LY96: variants seen among roughly 807,000 people sequenced by gnomAD.
LY96 encodes myeloid differentiation protein-2.
In LY96, 18 loss-of-function variants were observed where a neutral mutation model predicts 18.9. That is an observed-to-expected ratio of 0.95 (90% CI 0.66 to 1.41). The LOEUF (loss-of-function observed/expected upper bound fraction) is 1.41. LY96 is among the 40% of genes most tolerant of loss of function. The probability of loss-of-function intolerance (pLI) is 0.00; values close to 1 mark genes in which losing one functional copy is unlikely to be tolerated. For synonymous variants in LY96, 66 were observed against 62.6 expected (o/e 1.06, Z -0.26); for missense variants, 175 against 182.4 (o/e 0.96, Z 0.23).
At chr8:74,073,303 G>A in the LY96 span, among the ~76,000 whole-genome samples, 2 of 152,330 alleles carry the variant, frequency 1.3e-5, no homozygotes, top group African/African-American at 4.8e-5. Context: ...CATCAGGTGA[G>A]TCAGTAGATC....
chr8:74,081,087 C>CTCTTTCTTTCTCTT, the LY96 span, among the ~76,000 whole-genome samples: 1 of 92,954 alleles, frequency 1.1e-5, no homozygotes, highest in African/African-American at 5.1e-5. Flanking sequence ...TTCTCTTTCT[C>CTCTTTCTTTCTCTT]TCTTTCTTTC....
At chr8:74,089,553 A>G in the LY96 span, among the ~76,000 whole-genome samples, 1 of 152,360 alleles carries the variant, frequency 6.6e-6, no homozygotes, top group East Asian at 1.9e-4. Flanking sequence ...TGAGAAAGAT[A>G]CACAGGGAAA....
At chr8:74,021,204 G>T (rs1816750849) in intron 3 of LY96, among the ~76,000 whole-genome samples, 1 of 152,096 alleles carries the variant, frequency 6.6e-6, no homozygotes. Flanking sequence ...AATCTACAAA[G>T]AACTTAAACA....
chr8:74,032,819 G>A (rs1363092512), downstream of LY96, among the ~76,000 whole-genome samples: 19 of 152,190 alleles, frequency 1.2e-4, no homozygotes, highest in Admixed American at 1.2e-3. Flanking sequence ...ACAATTGCTG[G>A]TGAATGTGTG....
In LY96 at chr8:73,999,917, GC is replaced by G. The variant is rs776730263; in HGVS notation, c.113-4878del. Among the ~76,000 whole-genome samples the G allele has an allele frequency of 2.0e-5, 3 of 152,098 alleles. No individual in the cohort carries two copies. In the South Asian group the frequency reaches 6.2e-4, roughly 32 times the overall value. Reference sequence around the variant, plus strand: ...TTACTTCTTCCCTTCCAATTTGGATGCTTTTTTTTTTCTTGACTAATTGCTT... The same window carrying G: ...TTACTTCTTCCCTTCCAATTTGGATGTTTTTTTTTTCTTGACTAATTGCTT... On this transcript the variant is annotated intron_variant, in intron 1 of 4. Transcript: ENST00000284818.
chr8:74,002,031 C>T (rs1219848472), intron 1 of LY96, among the ~76,000 whole-genome samples: 2 of 26,116 alleles, frequency 7.7e-5, no homozygotes, highest in African/African-American at 2.9e-4. Flanking sequence ...TCCTTCCTTC[C>T]TTCCTTCCTT....
At chr8:73,992,129 G>A (rs972656682) in intron 1 of LY96, among the ~76,000 whole-genome samples, 9 of 152,080 alleles carry the variant, frequency 5.9e-5, no homozygotes, top group Non-Finnish European at 1.2e-4. Context: ...TTTTAGCATA[G>A]GGTCACATAG....
chr8:73,995,386 G>A (rs915490109), intron 1 of LY96, among the ~76,000 whole-genome samples: 7 of 152,144 alleles, frequency 4.6e-5, no homozygotes, highest in Admixed American at 1.3e-4. Context: ...CACATCCCTG[G>A]CGTTTCTTTG....
At chr8:74,034,308 G>T in the LY96 span, among the ~76,000 whole-genome samples, 1 of 152,048 alleles carries the variant, frequency 6.6e-6, no homozygotes, top group African/African-American at 2.4e-5. Context: ...GGAGATGGAG[G>T]TTGCAGTGAG....
chr8:74,092,337 G>A, the LY96 span, among the ~76,000 whole-genome samples: 1 of 152,252 alleles, frequency 6.6e-6, no homozygotes, highest in South Asian at 2.1e-4. Flanking sequence ...GGAAAACAGG[G>A]AAAATGAGTA....
the LY96 span, among the ~76,000 whole-genome samples, chr8:74,046,816 G>T: frequency 6.6e-6 from 1 of 151,660 alleles, no homozygotes; most frequent in South Asian, 2.1e-4. Flanking sequence ...TTTCCTACAT[G>T]AATGTTTTTC....
At chr8:74,051,560 G>A in the LY96 span, among the ~76,000 whole-genome samples, 2 of 152,214 alleles carry the variant, frequency 1.3e-5, no homozygotes, top group Middle Eastern at 6.8e-3. Flanking sequence ...CATTTGTGTG[G>A]CTTCCCCAAA....
At chr8:74,032,651 T>C (rs1293110178), downstream of LY96, among the ~76,000 whole-genome samples, 1 of 152,228 alleles carries the variant, frequency 6.6e-6, no homozygotes, top group Non-Finnish European at 1.5e-5. Context: ...AGCCCTTTCC[T>C]TCCACAACTT....
At chr8:74,000,085 C>T (rs1025722745) in intron 1 of LY96, among the ~76,000 whole-genome samples, 2 of 152,154 alleles carry the variant, frequency 1.3e-5, no homozygotes, top group Non-Finnish European at 2.9e-5. Context: ...ATGACCTTGT[C>T]CTCAAAGTCC....
the LY96 span, among the ~76,000 whole-genome samples, chr8:74,078,107 C>A: frequency 0.066 from 8,188 of 124,076 alleles, 689 homozygotes; most frequent in African/African-American, 0.24. Flanking sequence ...GACCCTGTCT[C>A]AATAAAAAAA....
chr8:74,041,622 G>A, the LY96 span, among the ~76,000 whole-genome samples: 1 of 152,294 alleles, frequency 6.6e-6, no homozygotes, highest in African/African-American at 2.4e-5. Context: ...GCCGCTCTGG[G>A]AGTGTCTGTC....
chr8:74,089,331 C>A, the LY96 span, among the ~76,000 whole-genome samples: 1 of 152,062 alleles, frequency 6.6e-6, no homozygotes, highest in African/African-American at 2.4e-5. Flanking sequence ...GAGGAAAATG[C>A]AGGTCCTTTT....
Position 74,026,853 on chromosome 8 carries a change from G to A in LY96, c.384+12G>A. 1 of 1,365,642 alleles carries A rather than the reference G, an allele frequency of 7.3e-7. No individual in the cohort carries two copies. Among genetic ancestry groups the A allele is most frequent in the Non-Finnish European group, 1.0e-6 (1 of 955,766 alleles). The allele number at this position is 1,365,642 out of a possible 1,614,324, so 84.6% of individuals were successfully genotyped here. ...TAAAATTTTCTAAGGTATTGTTCAA[G>A]ATTTATTTTGTACTGTCTAACCTTT... is the stretch of plus-strand genomic sequence containing the variant. On this transcript the variant is annotated intron_variant, in intron 4 of 4. Coordinates refer to ENST00000284818, the MANE Select transcript of LY96 (RefSeq NM_015364.5).
At chr8:74,066,108 C>T in the LY96 span, among the ~76,000 whole-genome samples, 6 of 152,130 alleles carry the variant, frequency 3.9e-5, no homozygotes, top group African/African-American at 1.4e-4. Flanking sequence ...TCTCATAGTT[C>T]TGGAGGCTGG....
Sources: allele counts gnomAD v4.1 joint callset (sites outside exome capture counted in the v4.1 genomes callset), GRCh38; gene constraint gnomAD v4.1.1; transcripts MANE v1.5; gene names NCBI Gene and HGNC (gene_info 2026-07-23, HGNC 2026-07-21).